MICALL2: variants seen among roughly 807,000 people sequenced by gnomAD.
MICALL2 encodes MICAL like 2.
A neutral mutation model predicts 91.1 loss-of-function variants in MICALL2; 111 were observed. The ratio of observed to expected loss-of-function variants is 1.22; its 90% confidence interval spans 1.04 to 1.43. The LOEUF (loss-of-function observed/expected upper bound fraction) is 1.43. Among genes scored for constraint, MICALL2 ranks in the 40% most tolerant of loss-of-function variants. MICALL2 has a pLI of 0.00. For synonymous variants in MICALL2, 694 were observed against 525.3 expected, an observed-to-expected ratio of 1.32 and a Z score of -4.39; for missense variants, 1,556 against 1,236.0, an observed-to-expected ratio of 1.26 and a Z score of -3.88.
Position 1,436,811 on chromosome 7 carries a change from A to AGCAGCTCCTGCTCCC in MICALL2, c.2507_2521dup (p.Arg836_Leu840dup). ...GTTCACGGTGCTCACGTACTGCTCC[A>AGCAGCTCCTGCTCCC]GCAGCTCCTGCTCCCGCCGCCGCTC... is the stretch of plus-strand genomic sequence containing the variant. On this transcript the variant is annotated inframe_insertion, in exon 15 of 17. Transcript: ENST00000297508. The AGCAGCTCCTGCTCCC allele has an allele frequency of 6.2e-7, 1 of 1,607,010 alleles. No homozygotes were observed.
Position 1,448,660 on chromosome 7 carries a change from G to A in MICALL2, c.294C>T (p.Tyr98=). The part of the protein sequence containing the change: ...KVPDRLSILT[Y]VSQYYNYFHG... ...GGAAGTAGTTGTAATACTGGGACAC[G>A]TAGGTCAAGATGCTCAGCCGGTCAG... is the stretch of plus-strand genomic sequence containing the variant. The change falls in exon 3 of 17, where the codon TAC becomes TAT. Residue 98 remains tyrosine, a synonymous_variant. Transcript: ENST00000297508. 3.7e-6 allele frequency: 6 copies of A among 1,612,666 alleles called. No homozygotes were observed. Among genetic ancestry groups the A allele is most frequent in the East Asian group, 4.5e-5 (2 of 44,886 alleles).
chr7:1,452,563 T>TA lies in MICALL2; in HGVS notation c.144-2276dup, dbSNP rs1347680729. Among the ~76,000 whole-genome samples the TA allele has an allele frequency of 2.0e-5, 3 of 152,146 alleles. No homozygotes were observed. Among genetic ancestry groups the TA allele is most frequent in the African/African-American group, 7.2e-5 (3 of 41,440 alleles). On this transcript the variant is annotated intron_variant, in intron 1 of 16. Transcript: ENST00000297508. The surrounding 1 kb of genome is among the most constrained non-coding windows in gnomAD (Gnocchi z 6.2). ...CAGTGTCACAAGTCTGTTTTTTCTCTAAACAAGCAGGAGGAGGAGGCTGTC... is the reference window on the plus strand; with the variant it reads ...CAGTGTCACAAGTCTGTTTTTTCTCTAAAACAAGCAGGAGGAGGAGGCTGTC...
At position 1,445,339 on chromosome 7, in the gene MICALL2, G is replaced by T; in HGVS notation, c.731C>A (p.Ala244Glu). The change falls in exon 6 of 17, where the codon GCA becomes GAA. Residue 244 changes from alanine to glutamate, a missense_variant. Coordinates refer to ENST00000297508, the MANE Select transcript of MICALL2 (RefSeq NM_182924.4). ...CAACTTGGGGCTTGCAGAGGCGGCT[G>T]CGGGGAGGTGGCTGGTGCAGACGAA... ...GTFVCTSHLP[A>E]AASASPKLTG... is the part of the protein sequence containing the mutation. 1.2e-6 allele frequency: 2 copies of T among 1,605,260 alleles called. No individual in the cohort carries two copies. Among genetic ancestry groups the T allele is most frequent in the East Asian group, 4.5e-5 (2 of 44,730 alleles).
chr7:1,450,599 A>G, intron 1 of MICALL2: 1 of 350,754 alleles, frequency 2.9e-6, no homozygotes, highest in Admixed American at 4.0e-5. Flanking sequence ...CTGGGAGGTG[A>G]GGTCACCAGC....
In MICALL2 at chr7:1,437,587, C is replaced by A; in HGVS notation, c.2424G>T (p.Glu808Asp). The A allele has an allele frequency of 6.5e-7, 1 of 1,538,398 alleles. No homozygotes were observed. The highest frequency in any genetic ancestry group is 8.7e-7 in the Non-Finnish European group (1 of 1,146,126). Reference protein sequence around the residue: ...LMYKSKAQRLEEQQLDIEGEL... With the variant: ...LMYKSKAQRLDEQQLDIEGEL... ...CGCCCTCGATGTCCAGCTGCTGCTC[C>A]TCCAGACGCTGGGCCTTGGACCTGC... The change falls in exon 14 of 17, where the codon GAG becomes GAT. Residue 808 changes from glutamate to aspartate, a missense_variant. Glu to Asp is a conservative substitution (Grantham distance 45). Coordinates refer to ENST00000297508, the MANE Select transcript of MICALL2 (RefSeq NM_182924.4).
At position 1,448,696 on chromosome 7, in the gene MICALL2, G is replaced by A. The variant is rs765349781; in HGVS notation, c.258C>T (p.Ala86=). ...TGCTCAGCCGGTCAGGCACCTTCAAGGCCACCATGTCCTCGGCATCCAGCA... is the reference window on the plus strand; with the variant it reads ...TGCTCAGCCGGTCAGGCACCTTCAAAGCCACCATGTCCTCGGCATCCAGCA... ...PALLDAEDMV[A]LKVPDRLSIL... Residue 86 remains alanine, a synonymous_variant, in exon 3 of 17, where the codon GCC becomes GCT. Coordinates refer to ENST00000297508, the MANE Select transcript of MICALL2 (RefSeq NM_182924.4). 1.2e-6 allele frequency: 2 copies of A among 1,612,710 alleles called. No homozygotes were observed. Among genetic ancestry groups the A allele is most frequent in the East Asian group, 2.2e-5 (1 of 44,882 alleles).
chr7:1,438,570 G>T, intron 10 of MICALL2: 2 of 1,423,546 alleles, frequency 1.4e-6, no homozygotes, highest in Non-Finnish European at 1.8e-6. Context: ...CCTCCTCCAG[G>T]TCAGCAACAC....
In MICALL2 at chr7:1,435,105, C is replaced by T. The variant is rs778103080; in HGVS notation, c.2634G>A (p.Lys878=). The T allele has an allele frequency of 4.2e-5, 68 of 1,613,324 alleles. No individual in the cohort carries two copies. Among genetic ancestry groups the T allele is most frequent in the Admixed American group, 1.8e-4 (11 of 59,980 alleles). Residue 878 remains lysine, a synonymous_variant, in exon 16 of 17, where the codon AAG becomes AAA. Transcript: ENST00000297508. ...EDQMLRDMIE[K]LGLQRKKSKF... ...CAGCATCCCCGGCCCAGTCACCCAG[C>T]TTCTCAATCATGTCCCGCAGCATCT... is the stretch of plus-strand genomic sequence containing the variant.
chr7:1,435,125 G>A lies in MICALL2; in HGVS notation c.2614C>T (p.Leu872=). The change falls in exon 16 of 17, where the codon CTG becomes TTG. Residue 872 remains leucine, a synonymous_variant. Transcript: ENST00000297508. ...RLREQEEDQM[L]RDMIEKLGLQ... ...CCCAGCTTCTCAATCATGTCCCGCA[G>A]CATCTGATCCTCCTCTTGTTCCCTG... is the stretch of plus-strand genomic sequence containing the variant. 1 of 1,613,568 alleles carries A rather than the reference G, an allele frequency of 6.2e-7. No homozygotes were observed. The highest frequency in any genetic ancestry group is 2.2e-5 in the East Asian group (1 of 44,866).
chr7:1,441,683 C>A (rs957341928), intron 7 of MICALL2: 1 of 168,360 alleles, frequency 5.9e-6, no homozygotes, highest in Non-Finnish European at 1.3e-5. Context: ...GGGACACCAG[C>A]GGAGGGGACG....
rs755901669 is a variant in MICALL2, at chr7:1,447,609, C to G, written c.491G>C (p.Arg164Thr). 17 of 1,592,722 alleles carry G rather than the reference C, an allele frequency of 1.1e-5. No individual in the cohort carries two copies. Among genetic ancestry groups the G allele is most frequent in the Admixed American group, 5.2e-5 (3 of 57,586 alleles). Residue 164 changes from arginine (R) to threonine (T), a missense_variant, in exon 4 of 17, where the codon AGG becomes ACG. Transcript: ENST00000297508. ...GGGCGGGCCCCCTGCACCCTCATTCCTCCTCTGGACCACAGGGTTTGTCTG... is the reference window on the plus strand; with the variant it reads ...GGGCGGGCCCCCTGCACCCTCATTCGTCCTCTGGACCACAGGGTTTGTCTG... ...PAQTNPVVQRRNEGAGGPPPK... is the reference protein window; with the variant it reads ...PAQTNPVVQRTNEGAGGPPPK...
At chr7:1,455,312 G>T (rs1015766101) in intron 1 of MICALL2, among the ~76,000 whole-genome samples, 3 of 152,200 alleles carry the variant, frequency 2.0e-5, no homozygotes, top group African/African-American at 7.2e-5. Context: ...TTTGTTCTGG[G>T]TGGTTTCTGA....
At chr7:1,448,513 T>TGGGG in intron 3 of MICALL2, 107 bp downstream of exon 3, 2 of 859,358 alleles carry the variant, frequency 2.3e-6, no homozygotes, top group African/African-American at 3.7e-5. Context: ...GGGCCATTCT[T>TGGGG]GGGGGGGGGG....
Position 1,455,582 on chromosome 7 carries a change from G to A in MICALL2, c.143+3602C>T, listed in dbSNP as rs966495191. On this transcript the variant is annotated intron_variant, in intron 1 of 16. Transcript: ENST00000297508. The stretch of plus-strand genomic sequence containing the variant: ...GTGGGGCTCCCCAGTGTGGTCACAC[G>A]TGGCTCAAGGAGCCGGAACATGGTA... Among the ~76,000 whole-genome samples, 6 of 147,662 alleles carry A rather than the reference G, an allele frequency of 4.1e-5. No individual in the cohort carries two copies. The South Asian group carries it at 6.2e-4, about 15-fold the overall frequency.
Position 1,445,153 on chromosome 7 carries a change from G to T in MICALL2, c.917C>A (p.Pro306His). The change falls in exon 6 of 17, where the codon CCT becomes CAT. Residue 306 changes from proline to histidine, a missense_variant. Coordinates refer to ENST00000297508, the MANE Select transcript of MICALL2 (RefSeq NM_182924.4). ...GACGGACGTGGCGCTGGTGGCTGCA[G>T]GGTTGGGTGCAGCTGGAACGGAAGC... ...ARASVPAAPN[P>H]AATSATSVHV... 1 of 1,575,204 alleles carries T rather than the reference G, an allele frequency of 6.3e-7. No individual in the cohort carries two copies. The highest frequency in any genetic ancestry group is 8.6e-7 in the Non-Finnish European group (1 of 1,161,468).
At position 1,445,257 on chromosome 7, in the gene MICALL2, A is replaced by T. The variant is rs1188330378; in HGVS notation, c.813T>A (p.Cys271Ter). Residue 271 changes from cysteine to a stop codon, truncating the protein, a stop_gained, in exon 6 of 17, where the codon TGT becomes TGA. Coordinates refer to ENST00000297508, the MANE Select transcript of MICALL2 (RefSeq NM_182924.4). LOFTEE classifies it high-confidence loss of function. ...TTGCCTCCTGGGCCTTCTGTGGGGA[A>T]CAGGAGGTCCTGGAATCCACACCCA... ...GAMGVDSRTS[C>*]SPQKAQEANK... is the part of the protein sequence containing the mutation. 6.2e-7 allele frequency: 1 copy of T among 1,612,394 alleles called. No individual in the cohort carries two copies. Among genetic ancestry groups the T allele is most frequent in the Non-Finnish European group, 8.5e-7 (1 of 1,179,804 alleles).
At position 1,439,937 on chromosome 7, in the gene MICALL2, G is replaced by T. The variant is rs774912933; in HGVS notation, c.1954C>A (p.Pro652Thr). Residue 652 changes from proline (P) to threonine (T), a missense_variant, in exon 9 of 17, where the codon CCC becomes ACC. Physicochemically the swap from Pro to Thr is conservative, Grantham distance 38. Transcript: ENST00000297508. ...CGTCCAGGAGTACCTGGGAGGCTGG[G>T]TCCTGGGCTGGCTGGGCGTGGGGTC... ...DRTPRPASPG[P>T]SLPARSPSPP... The T allele has an allele frequency of 6.7e-7, 1 of 1,482,306 alleles. No homozygotes were observed. Among genetic ancestry groups the T allele is most frequent in the African/African-American group, 1.5e-5 (1 of 67,816 alleles). The allele number at this position is 1,482,306 out of a possible 1,614,324, so 91.8% of individuals were successfully genotyped here.
rs1779877227 is a variant in MICALL2, at chr7:1,434,676, G to A, written c.2639-4C>T. 1 of 1,551,206 alleles carries A rather than the reference G, an allele frequency of 6.4e-7. No homozygotes were observed. Among genetic ancestry groups the A allele is most frequent in the African/African-American group, 1.4e-5 (1 of 72,210 alleles). On this transcript the variant is annotated splice_region_variant and splice_polypyrimidine_tract_variant and intron_variant, in intron 16 of 16. Coordinates refer to ENST00000297508, the MANE Select transcript of MICALL2 (RefSeq NM_182924.4). ...TTGGACTTCTTCCTCTGGAGGCCTA[G>A]GGGACAGGTGGACAGTGAGGCCGTG...
At chr7:1,450,152 C>T in intron 2 of MICALL2, 88 bp downstream of exon 2, 2 of 1,029,238 alleles carry the variant, frequency 1.9e-6, no homozygotes, top group Non-Finnish European at 3.0e-6. Flanking sequence ...GGTGCAGGGC[C>T]TGGGGGGAGT....
Sources: allele counts gnomAD v4.1 joint callset (sites outside exome capture counted in the v4.1 genomes callset), GRCh38; gene constraint gnomAD v4.1.1; non-coding constraint Gnocchi (gnomAD v3.1); transcripts MANE v1.5; gene names NCBI Gene and HGNC (gene_info 2026-07-23, HGNC 2026-07-21).